Variants in GABRA4 observed in about 807,000 individuals in gnomAD.
The protein encoded by GABRA4 is gamma-aminobutyric acid type A receptor subunit alpha4, also known as gamma-aminobutyric acid receptor subunit alpha-4.
A neutral mutation model predicts 49.7 loss-of-function variants in GABRA4; 12 were observed. That is an observed-to-expected ratio of 0.24 (90% CI 0.15 to 0.39). GABRA4 has a LOEUF of 0.39. GABRA4 is among the 10% of genes least tolerant of loss of function. GABRA4 has a pLI of 1.00. For missense variants in GABRA4, 506 were observed against 686.0 expected, an observed-to-expected ratio of 0.74 and a Z score of 2.93; for synonymous variants, 288 against 240.2, an observed-to-expected ratio of 1.20 and a Z score of -1.84.
rs1307666460 is a variant in GABRA4 at position 46,922,515 on chromosome 4, T to C, written c.*5710A>G. The C allele has an allele frequency of 2.6e-5, 4 of 152,012 alleles. No homozygotes were observed. Among genetic ancestry groups the C allele is most frequent in the Non-Finnish European group, 4.4e-5 (3 of 68,020 alleles). 9.4% of individuals were successfully genotyped at this position (152,012 alleles called of 1,614,324 possible). ...GATGAAGCTCACGCCAGATAAAAACTTTTTCAAGAAATAGAGGAAGAGTTT... is the reference window on the plus strand; with the variant it reads ...GATGAAGCTCACGCCAGATAAAAACCTTTTCAAGAAATAGAGGAAGAGTTT... On this transcript the variant is annotated 3_prime_UTR_variant, in exon 9 of 9. Transcript: ENST00000264318.
At chr4:46,977,775 A>T in intron 3 of GABRA4, 145 bp from the exon 4 acceptor site, 1 of 524,430 alleles carries the variant, frequency 1.9e-6, no homozygotes, top group Non-Finnish European at 3.3e-6. Context: ...ATGATCTTGA[A>T]TCAATGGAGC....
chr4:46,939,967 T>C (rs1179980760), intron 8 of GABRA4, among the ~76,000 whole-genome samples: 1 of 152,042 alleles, frequency 6.6e-6, no homozygotes, highest in East Asian at 1.9e-4. Flanking sequence ...TAAATATTTA[T>C]AAATAGGCTT....
rs1270715296 is a variant in GABRA4 at position 46,925,816 on chromosome 4, G to A, written c.*2409C>T. The A allele has an allele frequency of 7.0e-6, 1 of 143,800 alleles. No individual in the cohort carries two copies. The highest frequency in any genetic ancestry group is 2.6e-5 in the African/African-American group (1 of 38,680). 8.9% of individuals were successfully genotyped at this position (143,800 alleles called of 1,614,324 possible). A position where few individuals can be genotyped will look rare whatever the true frequency, so the allele number is the denominator to read the frequency against. On this transcript the variant is annotated 3_prime_UTR_variant, in exon 9 of 9. Transcript: ENST00000264318. The stretch of plus-strand genomic sequence containing the variant: ...AATTTATTTTAATAATAATGTTTAA[G>A]CTTTCTGGTTAATGTGTTCTTCAAA...
intron 8 of GABRA4, among the ~76,000 whole-genome samples, chr4:46,963,586 T>C (rs1248540642): frequency 1.3e-5 from 2 of 151,822 alleles, no homozygotes; most frequent in Admixed American, 6.6e-5. Flanking sequence ...TAAGTCCAAG[T>C]AAACCTCTTT....
rs1188553275 is a variant in GABRA4, at chr4:46,926,468, C to G, written c.*1757G>C. 1 of 151,830 alleles carries G rather than the reference C, an allele frequency of 6.6e-6. No individual in the cohort carries two copies. Among genetic ancestry groups the G allele is most frequent in the East Asian group, 1.9e-4 (1 of 5,166 alleles). The allele number at this position is 151,830 out of a possible 1,614,324, so 9.4% of individuals were successfully genotyped here. On this transcript the variant is annotated 3_prime_UTR_variant, in exon 9 of 9. Coordinates refer to ENST00000264318, the MANE Select transcript of GABRA4 (RefSeq NM_000809.4). ...AGAATGATTTCTCAGATATGACTTA[C>G]AATTAATATTTGGCATTTGCACAAT...
Position 46,922,501 on chromosome 4 carries a change from C to A in GABRA4, c.*5724G>T, listed in dbSNP as rs1040769679. The A allele has an allele frequency of 6.6e-6, 1 of 151,930 alleles. No homozygotes were observed. Among genetic ancestry groups the A allele is most frequent in the Admixed American group, 6.6e-5 (1 of 15,238 alleles). The allele number at this position is 151,930 out of a possible 1,614,324, so 9.4% of individuals were successfully genotyped here. A position where few individuals can be genotyped will look rare whatever the true frequency, so the allele number is the denominator to read the frequency against. Reference sequence around the variant, plus strand: ...TCAATGAAAAAGCAGATGAAGCTCACGCCAGATAAAAACTTTTTCAAGAAA... The same window carrying A: ...TCAATGAAAAAGCAGATGAAGCTCAAGCCAGATAAAAACTTTTTCAAGAAA... On this transcript the variant is annotated 3_prime_UTR_variant, in exon 9 of 9. Transcript: ENST00000264318.
At chr4:46,968,056 C>T (rs1722828578) in intron 7 of GABRA4, among the ~76,000 whole-genome samples, 1 of 151,486 alleles carries the variant, frequency 6.6e-6, no homozygotes, top group African/African-American at 2.4e-5. Context: ...TGTTTTTACA[C>T]AGTCTCTAAT....
intron 2 of GABRA4, among the ~76,000 whole-genome samples, chr4:46,988,760 T>G (rs1723632336): frequency 6.6e-6 from 1 of 152,188 alleles, no homozygotes; most frequent in African/African-American, 2.4e-5. Context: ...GAAGGTATGT[T>G]GAGGAAATTT....
At chr4:46,930,041 G>A (rs1486838287) in intron 8 of GABRA4, among the ~76,000 whole-genome samples, 1 of 151,994 alleles carries the variant, frequency 6.6e-6, no homozygotes, top group East Asian at 1.9e-4. Context: ...CATGTTTAAA[G>A]TTCAATTCAT....
intron 8 of GABRA4, among the ~76,000 whole-genome samples, chr4:46,938,592 GAATTCCAATTTCC>G (rs1721677996): frequency 6.6e-6 from 1 of 152,058 alleles, no homozygotes; most frequent in Admixed American, 6.6e-5. Context: ...GCTGAATTTG[GAATTCCAATTTCC>G]AATTCCAATT....
At chr4:46,974,980 C>T (rs1260618430) in intron 5 of GABRA4, among the ~76,000 whole-genome samples, 2 of 151,898 alleles carry the variant, frequency 1.3e-5, no homozygotes, top group African/African-American at 2.4e-5. Flanking sequence ...ATTACACAAC[C>T]AATTCCACTA....
chr4:46,981,960 G>A (rs1444523280), intron 2 of GABRA4, among the ~76,000 whole-genome samples: 1 of 152,040 alleles, frequency 6.6e-6, no homozygotes, highest in African/African-American at 2.4e-5. Context: ...TAGAAAGGAG[G>A]CCAGTGGGGC....
At chr4:46,961,419 C>A (rs539385493) in intron 8 of GABRA4, among the ~76,000 whole-genome samples, 1 of 151,940 alleles carries the variant, frequency 6.6e-6, no homozygotes, top group Non-Finnish European at 1.5e-5. Flanking sequence ...TAACACATCA[C>A]CTGTTTTGTT....
intron 3 of GABRA4, 151 bp downstream of exon 3, chr4:46,978,880 T>C: frequency 3.1e-6 from 2 of 654,470 alleles, no homozygotes; most frequent in South Asian, 1.8e-5. Flanking sequence ...TGAGATTCAA[T>C]GTCTTACTCT....
intron 8 of GABRA4, among the ~76,000 whole-genome samples, chr4:46,953,149 T>A (rs1722230599): frequency 6.6e-6 from 1 of 152,086 alleles, no homozygotes; most frequent in Middle Eastern, 3.2e-3. Context: ...ACCATAAACA[T>A]TACAAACCAA....
In GABRA4 at chr4:46,921,659, T is replaced by TA. The variant is rs1006574269; in HGVS notation, c.*6565dup. 8 of 152,096 alleles carry TA rather than the reference T, an allele frequency of 5.3e-5. 2 individuals carry two copies. Among genetic ancestry groups the TA allele is most frequent in the Admixed American group, 1.3e-4 (2 of 15,266 alleles). 9.4% of individuals were successfully genotyped at this position (152,096 alleles called of 1,614,324 possible). A position where few individuals can be genotyped will look rare whatever the true frequency, so the allele number is the denominator to read the frequency against. The stretch of plus-strand genomic sequence containing the variant: ...CTCTGGTGGTCATATCAGTAAAAGA[T>TA]ACTCTGGTCAATCCCTGGTCTATTG... On this transcript the variant is annotated 3_prime_UTR_variant, in exon 9 of 9. Transcript: ENST00000264318.
chr4:46,924,950 C>A lies in GABRA4; in HGVS notation c.*3275G>T, dbSNP rs936392750. 6.6e-6 allele frequency: 1 copy of A among 151,924 alleles called. No homozygotes were observed. The highest frequency in any genetic ancestry group is 2.4e-5 in the African/African-American group (1 of 41,408). The allele number at this position is 151,924 out of a possible 1,614,324, so 9.4% of individuals were successfully genotyped here. On this transcript the variant is annotated 3_prime_UTR_variant, in exon 9 of 9. Coordinates refer to ENST00000264318, the MANE Select transcript of GABRA4 (RefSeq NM_000809.4). The stretch of plus-strand genomic sequence containing the variant: ...ACACTCAGAACTTGAAATTAAGTGA[C>A]CCATCTCCACACCTGGTGTCTTTTA...
At chr4:46,950,135 G>A (rs1249976128) in intron 8 of GABRA4, among the ~76,000 whole-genome samples, 1 of 152,148 alleles carries the variant, frequency 6.6e-6, no homozygotes, top group African/African-American at 2.4e-5. Flanking sequence ...CTTGCTTGCA[G>A]AAGCAGTGAT....
At chr4:46,959,462 A>G (rs530539618) in intron 8 of GABRA4, among the ~76,000 whole-genome samples, 23 of 152,048 alleles carry the variant, frequency 1.5e-4, no homozygotes, top group Non-Finnish European at 3.2e-4. Context: ...GTCCTTCACA[A>G]CCAAATTTGA....
Sources: gnomAD v4.1 joint callset for allele counts (sites outside exome capture counted in the v4.1 genomes callset) on GRCh38, gnomAD v4.1.1 for gene constraint, MANE v1.5 for transcripts, NCBI Gene and HGNC (gene_info 2026-07-23, HGNC 2026-07-21) for gene names.